The following ATP10A variants were observed in gnomAD, a reference collection of about 807,000 sequenced individuals.
The protein encoded by ATP10A is phospholipid-transporting ATPase VA.
ATP10A carries 111 observed loss-of-function variants against 147.8 expected under a neutral mutation model. The ratio of observed to expected loss-of-function variants is 0.75; its 90% CI spans 0.64 to 0.88. The LOEUF is 0.88. ATP10A is among the 40% of genes least tolerant of loss of function. ATP10A has a pLI of 0.00. For synonymous variants in ATP10A, 875 were observed against 841.6 expected (o/e 1.04, Z -0.69); for missense variants, 1,927 against 1,959.0 (o/e 0.98, Z 0.31).
intron 1 of ATP10A, among the ~76,000 whole-genome samples, chr15:25,855,036 G>T (rs1303338824): frequency 7.0e-6 from 1 of 142,390 alleles, no homozygotes; most frequent in Non-Finnish European, 1.5e-5. Context: ...TCCAGCCTGG[G>T]CAACAAGAGT....
At chr15:25,858,581 G>A (rs1022204704) in intron 1 of ATP10A, among the ~76,000 whole-genome samples, 14 of 152,146 alleles carry the variant, frequency 9.2e-5, no homozygotes, top group Admixed American at 5.2e-4. Flanking sequence ...CAGGGGACAC[G>A]GGTTGGAGAA....
intron 8 of ATP10A, 60 bp from the exon 9 acceptor site, chr15:25,716,984 C>G (rs758605493): frequency 2.2e-6 from 3 of 1,367,158 alleles, no homozygotes; most frequent in Non-Finnish European, 9.8e-7. Flanking sequence ...GATCTTGGGG[C>G]GTGACTATTT....
At chr15:25,725,137 A>G (rs1019217995) in intron 5 of ATP10A, among the ~76,000 whole-genome samples, 4 of 152,168 alleles carry the variant, frequency 2.6e-5, no homozygotes, top group Non-Finnish European at 5.9e-5. Context: ...CAATTCTCAC[A>G]GGAGCACGAA....
At chr15:25,707,743 T>C (rs909649231) in intron 12 of ATP10A, among the ~76,000 whole-genome samples, 4 of 152,276 alleles carry the variant, frequency 2.6e-5, no homozygotes, top group South Asian at 2.1e-4. Context: ...AGGGGAAGCG[T>C]GGCAGCTGCT....
intron 15 of ATP10A, 152 bp from the exon 16 acceptor site, chr15:25,687,980 G>A (rs546838081): frequency 1.6e-5 from 15 of 963,810 alleles, no homozygotes; most frequent in East Asian, 7.8e-5. Flanking sequence ...CATCGCTGTC[G>A]TCTCCCTCAG....
chr15:25,718,592 C>T (rs1236299600), intron 7 of ATP10A, among the ~76,000 whole-genome samples, 193 bp from the exon 8 acceptor site: 1 of 152,182 alleles, frequency 6.6e-6, no homozygotes, highest in Admixed American at 6.5e-5. Flanking sequence ...TTGATATTCT[C>T]AACTCTGTTT....
chr15:25,724,088 T>C, intron 5 of ATP10A, 67 bp from the exon 6 acceptor site: 1 of 1,405,452 alleles, frequency 7.1e-7, no homozygotes, highest in South Asian at 1.7e-5. Flanking sequence ...CTAGCGTATA[T>C]TAAAGCAAAA....
chr15:25,759,220 A>G (rs1888620418), intron 2 of ATP10A, among the ~76,000 whole-genome samples: 1 of 152,184 alleles, frequency 6.6e-6, no homozygotes, highest in Non-Finnish European at 1.5e-5. Flanking sequence ...CTTTTGTGGC[A>G]CCAAAACTTT....
At chr15:25,759,345 A>C (rs1475244958) in intron 2 of ATP10A, among the ~76,000 whole-genome samples, 1 of 152,220 alleles carries the variant, frequency 6.6e-6, no homozygotes, top group Non-Finnish European at 1.5e-5. Flanking sequence ...GGTTTGTGCA[A>C]GATTAATCTC....
chr15:25,829,806 A>G (rs1892276166), intron 1 of ATP10A, among the ~76,000 whole-genome samples: 1 of 152,070 alleles, frequency 6.6e-6, no homozygotes, highest in Non-Finnish European at 1.5e-5. Flanking sequence ...GAGTGAGGGT[A>G]CGGGGGAGGG....
At chr15:25,685,588 T>G (rs8032407) in intron 16 of ATP10A, among the ~76,000 whole-genome samples, 73,191 of 151,944 alleles carry the variant, frequency 0.48, 20,304 homozygotes, top group African/African-American at 0.77. Flanking sequence ...TACCACACTT[T>G]GGGAGGCAGA....
chr15:25,862,460 G>A (rs915806878), intron 1 of ATP10A, 188 bp downstream of exon 1: 15 of 717,408 alleles, frequency 2.1e-5, no homozygotes, highest in Admixed American at 7.3e-5. Flanking sequence ...CTGCGGCGGA[G>A]GCACAGAGAG....
intron 3 of ATP10A, among the ~76,000 whole-genome samples, chr15:25,735,217 G>A (rs1008251009): frequency 2.6e-5 from 4 of 152,204 alleles, no homozygotes; most frequent in African/African-American, 4.8e-5. Flanking sequence ...GGAAGGTCAT[G>A]TGCGTCATGC....
intron 2 of ATP10A, among the ~76,000 whole-genome samples, chr15:25,746,361 C>T (rs1186621167): frequency 1.3e-5 from 2 of 151,984 alleles, no homozygotes; most frequent in Non-Finnish European, 2.9e-5. Context: ...TTATATATTA[C>T]AAAAATTGAC....
At chr15:25,715,248 G>A (rs1243714331) in intron 9 of ATP10A, among the ~76,000 whole-genome samples, 6 of 152,216 alleles carry the variant, frequency 3.9e-5, no homozygotes, top group Admixed American at 3.3e-4. Context: ...GTCTTGTTAT[G>A]ACTTTAAATA....
chr15:25,688,627 G>A (rs1899833469), intron 15 of ATP10A, among the ~76,000 whole-genome samples: 1 of 152,190 alleles, frequency 6.6e-6, no homozygotes, highest in East Asian at 1.9e-4. Flanking sequence ...CTAGATTTCT[G>A]CTTATCAACA....
At position 25,725,939 on chromosome 15, in the gene ATP10A, T is replaced by C. The variant is rs765058388; in HGVS notation, c.979+12A>G. ...GGCCCCCACTCATTTCCGATCCATC[T>C]AGGAGACTTACCGACTGCTGAAAAC... On this transcript the variant is annotated intron_variant, in intron 5 of 20. Transcript: ENST00000555815. 34 of 1,611,586 alleles carry C rather than the reference T, an allele frequency of 2.1e-5. No individual in the cohort carries two copies. The highest frequency in any genetic ancestry group is 2.9e-5 in the Non-Finnish European group (34 of 1,178,588).
At chr15:25,709,464 C>T (rs1236696241) in intron 10 of ATP10A, 1 of 152,230 alleles carries the variant, frequency 6.6e-6, no homozygotes, top group Non-Finnish European at 1.5e-5. Flanking sequence ...GTCCCATTGT[C>T]CTGAGAGGTG....
At position 25,836,152 on chromosome 15, in the gene ATP10A, T is replaced by A. The variant is rs374328560; in HGVS notation, c.449+26496A>T. On this transcript the variant is annotated intron_variant, in intron 1 of 20. Transcript: ENST00000555815. The stretch of plus-strand genomic sequence containing the variant: ...TTAGTAGAGACAAGATCTCACTATG[T>A]TGGCCAGGCTGATCTTGAACTCCTC... Among the ~76,000 whole-genome samples, 23 of 152,324 alleles carry A rather than the reference T, an allele frequency of 1.5e-4. No homozygotes were observed. The East Asian group carries it at 3.7e-3, about 24-fold the overall frequency.
Sources: allele counts gnomAD v4.1 joint callset (sites outside exome capture counted in the v4.1 genomes callset), GRCh38; gene constraint gnomAD v4.1.1; transcripts MANE v1.5; gene names NCBI Gene and HGNC (gene_info 2026-07-23, HGNC 2026-07-21).